The following PIWIL4 variants were observed in gnomAD, a reference collection of about 807,000 sequenced individuals.
PIWIL4 encodes the protein piwi-like protein 4.
Under a neutral mutation model 100.9 loss-of-function variants are expected in PIWIL4, and 50 were observed. That is an observed-to-expected ratio of 0.50 (90% CI 0.39 to 0.63). The LOEUF (loss-of-function observed/expected upper bound fraction) is 0.63, where lower values mean the gene tolerates loss of function less well. Among genes scored for constraint, PIWIL4 ranks in the 20% least tolerant of loss-of-function variants. PIWIL4 has a pLI of 0.00. For synonymous variants in PIWIL4, 342 were observed against 367.5 expected (o/e 0.93, Z 0.79); for missense variants, 887 against 1,043.3 (o/e 0.85, Z 2.06).
chr11:94,577,370 A>G lies in PIWIL4; in HGVS notation c.391A>G (p.Ile131Val), dbSNP rs375398129. 1 of 1,613,938 alleles carries G rather than the reference A, an allele frequency of 6.2e-7. No homozygotes were observed. The highest frequency in any genetic ancestry group is 1.1e-5 in the South Asian group (1 of 91,074). Residue 131 changes from isoleucine (I) to valine (V), a missense_variant, in exon 4 of 20, where the codon ATT becomes GTT. Around this residue, in one of 2 missense-constraint regions of PIWIL4, gnomAD observed 741 missense variants for 930.0 expected, o/e 0.80. Transcript: ENST00000299001. ...GCTATACCAGTACCATGTGACATAT[A>G]TTCCAGATTTAGCATCTAGAAGGCT... ...WQLYQYHVTY[I>V]PDLASRRLRI...
rs777223871 is a variant in PIWIL4 at position 94,601,831 on chromosome 11, A to G, written c.1417A>G (p.Ile473Val). 25 of 1,613,932 alleles carry G rather than the reference A, an allele frequency of 1.5e-5. No individual in the cohort carries two copies. The highest frequency in any genetic ancestry group is 1.6e-4 in the Middle Eastern group (1 of 6,082). ...GTCTGCTGCTGACTGGTCCAAGGAT[A>G]TTCGAACTTGCAAGATTTTAAATGC... ...PVSAADWSKD[I>V]RTCKILNAQS... Residue 473 changes from isoleucine to valine, a missense_variant, in exon 12 of 20, where the codon ATT becomes GTT. Transcript: ENST00000299001.
At chr11:94,576,775 ATTGT>A (rs1948243612) in intron 3 of PIWIL4, among the ~76,000 whole-genome samples, 2 of 152,118 alleles carry the variant, frequency 1.3e-5, no homozygotes, top group Non-Finnish European at 2.9e-5. Flanking sequence ...CTTCTCTGAG[ATTGT>A]TTGGTCTAAC....
In PIWIL4 at chr11:94,611,366, C is replaced by CT. The variant is rs562765817; in HGVS notation, c.1943+2688dup. 2.7e-3 allele frequency among the ~76,000 whole-genome samples: 409 copies of CT among 151,732 alleles called. 2 individuals carry two copies. Among genetic ancestry groups the CT allele is most frequent in the African/African-American group, 9.5e-3 (391 of 41,366 alleles). On this transcript the variant is annotated intron_variant, in intron 15 of 19. Coordinates refer to ENST00000299001, the MANE Select transcript of PIWIL4 (RefSeq NM_152431.3). ...TACATTTATGTTTATCAGGGCTTTCCTTTTTTTTCACATAGGCATTTATTG... is the reference window on the plus strand; with the variant it reads ...TACATTTATGTTTATCAGGGCTTTCCTTTTTTTTTCACATAGGCATTTATTG...
In PIWIL4 at chr11:94,620,077, A is replaced by G. The variant is rs1231646392; in HGVS notation, c.2375A>G (p.Asn792Ser). The G allele has an allele frequency of 1.2e-6, 2 of 1,613,920 alleles. No homozygotes were observed. Among genetic ancestry groups the G allele is most frequent in the Non-Finnish European group, 1.7e-6 (2 of 1,179,972 alleles). The change falls in exon 19 of 20, where the codon AAC becomes AGC. Residue 792 changes from asparagine to serine, a missense_variant. Asn to Ser is a conservative substitution (Grantham distance 46). Around this residue, in one of 2 missense-constraint regions of PIWIL4, gnomAD observed 741 missense variants for 930.0 expected, o/e 0.80. Coordinates refer to ENST00000299001, the MANE Select transcript of PIWIL4 (RefSeq NM_152431.3). ...TACTATAATGTCATCTATGATGACA[A>G]CGGCTTGAAGCCCGACCATATGCAG... ...PTYYNVIYDDNGLKPDHMQRL... is the reference protein window; with the variant it reads ...PTYYNVIYDDSGLKPDHMQRL...
At chr11:94,601,016 C>T (rs1201084693) in intron 11 of PIWIL4, among the ~76,000 whole-genome samples, 1 of 151,126 alleles carries the variant, frequency 6.6e-6, no homozygotes. Flanking sequence ...CACACATCCT[C>T]TACAATTTGT....
chr11:94,606,600 C>T (rs896763886), intron 13 of PIWIL4, among the ~76,000 whole-genome samples: 6 of 152,046 alleles, frequency 3.9e-5, no homozygotes, highest in African/African-American at 9.7e-5. Flanking sequence ...GAGGCCAGGC[C>T]GGGGTGAGTG....
At chr11:94,587,505 CT>C (rs1358737733) in intron 7 of PIWIL4, among the ~76,000 whole-genome samples, 1 of 152,244 alleles carries the variant, frequency 6.6e-6, no homozygotes, top group African/African-American at 2.4e-5. Flanking sequence ...CCCCAGCGGT[CT>C]GCACTTTGCA....
intron 4 of PIWIL4, among the ~76,000 whole-genome samples, chr11:94,583,038 A>ATG (rs1185966279): frequency 2.8e-4 from 29 of 104,122 alleles, no homozygotes; most frequent in African/African-American, 1.2e-3. Flanking sequence ...GTGTGTATAT[A>ATG]TATATATGTG....
rs112991769 is a variant in PIWIL4 at position 94,607,639 on chromosome 11, T to G, written c.1839T>G (p.Pro613=). 1.9e-6 allele frequency: 3 copies of G among 1,612,198 alleles called. 1 individual carries two copies. The highest frequency in any genetic ancestry group is 3.3e-4 in the Middle Eastern group (2 of 6,046). Residue 613 remains proline, a splice_region_variant and synonymous_variant, in exon 14 of 20, where the codon CCT becomes CCG. Coordinates refer to ENST00000299001, the MANE Select transcript of PIWIL4 (RefSeq NM_152431.3). ...GCGAGCTGTGGGCTGTGGAAATACC[T>G]GTAAGGACCCTGTCACATTTTTTCT... is the stretch of plus-strand genomic sequence containing the variant. ...LGGELWAVEI[P]LKSLMVVGID...
intron 5 of PIWIL4, 120 bp downstream of exon 5, chr11:94,583,689 G>A: frequency 7.4e-7 from 1 of 1,358,928 alleles, no homozygotes; most frequent in Non-Finnish European, 1.0e-6. Context: ...CACCGTTAGG[G>A]CAATTTCTCA....
At chr11:94,579,823 G>A (rs111728400) in intron 4 of PIWIL4, among the ~76,000 whole-genome samples, 12 of 152,258 alleles carry the variant, frequency 7.9e-5, no homozygotes, top group African/African-American at 2.6e-4. Context: ...TTGATAGCAC[G>A]CTAATATGGC....
intron 10 of PIWIL4, among the ~76,000 whole-genome samples, 184 bp from the exon 11 acceptor site, chr11:94,597,620 C>T (rs150906592): frequency 1.3e-5 from 2 of 152,306 alleles, no homozygotes; most frequent in Non-Finnish European, 2.9e-5. Context: ...CACTGGAATC[C>T]TTTTCCCATT....
Position 94,604,070 on chromosome 11 carries a change from AC to A in PIWIL4, c.1638+15del. 1 of 1,515,846 alleles carries A rather than the reference AC, an allele frequency of 6.6e-7. No individual in the cohort carries two copies. The highest frequency in any genetic ancestry group is 9.1e-7 in the Non-Finnish European group (1 of 1,101,618). The allele number at this position is 1,515,846 out of a possible 1,614,324, so 93.9% of individuals were successfully genotyped here. A position where few individuals can be genotyped will look rare whatever the true frequency, so the allele number is the denominator to read the frequency against. On this transcript the variant is annotated intron_variant, in intron 13 of 19. Transcript: ENST00000299001. ...GATGTTCAGCTGGTAAGTACAGGAT[AC>A]TTTTTGAACTCCTTTAATCTATAAT...
At chr11:94,576,292 G>A (rs901184198) in intron 3 of PIWIL4, among the ~76,000 whole-genome samples, 4 of 152,120 alleles carry the variant, frequency 2.6e-5, no homozygotes, top group Admixed American at 1.3e-4. Flanking sequence ...GGGCCACCAT[G>A]CCCAGTTAAT....
At chr11:94,614,295 C>A (rs111243562) in intron 15 of PIWIL4, among the ~76,000 whole-genome samples, 2 of 99,090 alleles carry the variant, frequency 2.0e-5, no homozygotes, top group Non-Finnish European at 4.1e-5. Context: ...CCTGATTTTT[C>A]TTTTCTTTTT....
chr11:94,584,388 C>G (rs751990702), intron 5 of PIWIL4, among the ~76,000 whole-genome samples: 9 of 152,180 alleles, frequency 5.9e-5, no homozygotes, highest in Middle Eastern at 3.2e-3. Flanking sequence ...ACCCAGATGT[C>G]CTAATTCCTA....
chr11:94,580,721 T>C (rs1420737257), intron 4 of PIWIL4, among the ~76,000 whole-genome samples: 1 of 152,174 alleles, frequency 6.6e-6, no homozygotes, highest in African/African-American at 2.4e-5. Context: ...TAGCATTTAT[T>C]GAGCACTTAC....
At chr11:94,615,317 G>A (rs1489262468) in intron 15 of PIWIL4, among the ~76,000 whole-genome samples, 1 of 152,208 alleles carries the variant, frequency 6.6e-6, no homozygotes, top group Non-Finnish European at 1.5e-5. Context: ...GAAATCATGG[G>A]CTGATGTGAT....
intron 4 of PIWIL4, among the ~76,000 whole-genome samples, chr11:94,578,033 T>C (rs1053905969): frequency 1.3e-5 from 2 of 152,162 alleles, no homozygotes; most frequent in Non-Finnish European, 2.9e-5. Flanking sequence ...GATGTTACCA[T>C]TCTTTGGCCC....
Sources: gnomAD v4.1 joint callset for allele counts (sites outside exome capture counted in the v4.1 genomes callset) on GRCh38, gnomAD v4.1.1 for gene constraint, gnomAD v4.1.1 regional missense constraint, MANE v1.5 for transcripts, NCBI Gene and HGNC (gene_info 2026-07-23, HGNC 2026-07-21) for gene names.